Variants in GPC6 observed in about 807,000 individuals in gnomAD.
The protein encoded by GPC6 is glypican-6.
A neutral mutation model predicts 55.2 loss-of-function variants in GPC6; 14 were observed. That is an observed-to-expected ratio of 0.25 (90% CI 0.17 to 0.40). The LOEUF is 0.40. GPC6 is among the 10% of genes least tolerant of loss of function. The pLI is 1.00. For synonymous variants in GPC6, 278 were observed against 259.6 expected (o/e 1.07, Z -0.68); for missense variants, 641 against 708.5 (o/e 0.90, Z 1.08).
At chr13:93,228,827 C>T (rs1323739675) in intron 1 of GPC6, among the ~76,000 whole-genome samples, 1 of 152,126 alleles carries the variant, frequency 6.6e-6, no homozygotes, top group African/African-American at 2.4e-5. Flanking sequence ...AAGCATTTTG[C>T]AGATATCTTA....
At chr13:93,845,950 A>G (rs1888159382) in intron 3 of GPC6, among the ~76,000 whole-genome samples, 1 of 151,608 alleles carries the variant, frequency 6.6e-6, no homozygotes, top group Non-Finnish European at 1.5e-5. Flanking sequence ...AACCTGCACA[A>G]TGTGCACATG....
At chr13:93,852,827 A>T (rs1888451914) in intron 3 of GPC6, among the ~76,000 whole-genome samples, 1 of 151,578 alleles carries the variant, frequency 6.6e-6, no homozygotes, top group Admixed American at 6.6e-5. Flanking sequence ...ATCTAGAGGG[A>T]TATTTCACCC....
intron 4 of GPC6, among the ~76,000 whole-genome samples, chr13:94,148,106 G>C (rs961104803): frequency 1.3e-5 from 2 of 152,176 alleles, no homozygotes; most frequent in African/African-American, 2.4e-5. Context: ...GAGGAGATTA[G>C]TGGTCCTTAC....
At position 94,303,262 on chromosome 13, in the gene GPC6, T is replaced by G. The variant is rs564251509; in HGVS notation, c.1009-2718T>G. Among the ~76,000 whole-genome samples the G allele has an allele frequency of 1.3e-4, 20 of 152,302 alleles. No homozygotes were observed. In the South Asian group the frequency reaches 2.5e-3, roughly 19 times the overall value. On this transcript the variant is annotated intron_variant, in intron 5 of 8. Transcript: ENST00000377047. ...GGGTTTATATCCCGATCATTGTCCC[T>G]CCCCCTGTGCTCTTAGGCGATAGAT...
chr13:93,238,171 A>G (rs888503815), intron 1 of GPC6, among the ~76,000 whole-genome samples: 2 of 152,198 alleles, frequency 1.3e-5, no homozygotes, highest in African/African-American at 4.8e-5. Flanking sequence ...GGTCATTTTC[A>G]CAGTATTGAT....
intron 2 of GPC6, among the ~76,000 whole-genome samples, chr13:93,653,104 G>T (rs1029440660): frequency 7.9e-5 from 12 of 152,154 alleles, no homozygotes; most frequent in African/African-American, 2.9e-4. Context: ...TTTAGAGAGA[G>T]AACCAGACAC....
rs74772501 is a variant in GPC6, at chr13:93,357,574, G to A, written c.160+129958G>A. Among the ~76,000 whole-genome samples the A allele has an allele frequency of 7.9e-3, 1,199 of 152,228 alleles. 16 individuals are homozygous for A. Among genetic ancestry groups the A allele is most frequent in the African/African-American group, 0.028 (1,152 of 41,532 alleles). On this transcript the variant is annotated intron_variant, in intron 1 of 8. Transcript: ENST00000377047. ...AAAATGTAAATAATTGGCCGGGTAT[G>A]GTGGCTCAAGCCTGTAATGTTTTGG... is the stretch of plus-strand genomic sequence containing the variant.
At chr13:94,091,870 A>G (rs8001737) in intron 4 of GPC6, among the ~76,000 whole-genome samples, 2,543 of 149,326 alleles carry the variant, frequency 0.017, 70 homozygotes, top group African/African-American at 0.059. Flanking sequence ...GTGAAGAAAA[A>G]CTCACAGAAC....
chr13:94,319,946 CT>C (rs1389194289), intron 6 of GPC6, among the ~76,000 whole-genome samples: 1 of 152,146 alleles, frequency 6.6e-6, no homozygotes, highest in Non-Finnish European at 1.5e-5. Context: ...GCCATTATGT[CT>C]TCAAATATTG....
In GPC6 at chr13:93,308,233, C is replaced by T. The variant is rs147482102; in HGVS notation, c.160+80617C>T. On this transcript the variant is annotated intron_variant, in intron 1 of 8. Transcript: ENST00000377047. ...CCGGGAGGCAGAGCTTGCAGTGAGC[C>T]GAGATTGCGCTACTGCACTCCAGCC... Among the ~76,000 whole-genome samples the T allele has an allele frequency of 9.9e-3, 1,513 of 152,098 alleles. 19 individuals carry two copies. The highest frequency in any genetic ancestry group is 0.034 in the African/African-American group (1,395 of 41,492).
chr13:94,137,772 A>G (rs191614185), intron 4 of GPC6, among the ~76,000 whole-genome samples: 5 of 152,286 alleles, frequency 3.3e-5, no homozygotes, highest in Admixed American at 1.3e-4. Context: ...AAAATGACCT[A>G]TTATTCAGGT....
intron 1 of GPC6, among the ~76,000 whole-genome samples, chr13:93,531,281 GATATATA>G (rs1881855366): frequency 6.6e-6 from 1 of 150,732 alleles, no homozygotes; most frequent in African/African-American, 2.4e-5. Flanking sequence ...ATATTATAAT[GATATATA>G]ATATATATGA....
intron 3 of GPC6, among the ~76,000 whole-genome samples, chr13:94,009,616 T>C (rs1164355302): frequency 6.6e-6 from 1 of 152,112 alleles, no homozygotes; most frequent in Non-Finnish European, 1.5e-5. Flanking sequence ...ATGTGGAAAT[T>C]ACCTCTGTAC....
At chr13:94,322,103 C>T (rs148554666) in intron 6 of GPC6, among the ~76,000 whole-genome samples, 8 of 152,076 alleles carry the variant, frequency 5.3e-5, no homozygotes, top group Admixed American at 6.6e-5. Context: ...GGGAGGGACC[C>T]GGTGAGAGAT....
intron 3 of GPC6, among the ~76,000 whole-genome samples, chr13:93,898,391 A>G (rs190808013): frequency 3.3e-5 from 5 of 152,268 alleles, no homozygotes; most frequent in Admixed American, 2.6e-4. Flanking sequence ...GGAAAATGCC[A>G]TGCCATAGGG....
At chr13:93,617,094 A>G (rs1346766236) in intron 2 of GPC6, among the ~76,000 whole-genome samples, 1 of 152,116 alleles carries the variant, frequency 6.6e-6, no homozygotes, top group Non-Finnish European at 1.5e-5. Context: ...CCACACCAGA[A>G]GAGCACAGAG....
At chr13:93,231,385 A>G (rs1402953141) in intron 1 of GPC6, among the ~76,000 whole-genome samples, 6 of 21,868 alleles carry the variant, frequency 2.7e-4, no homozygotes, top group African/African-American at 1.1e-3. Context: ...ATATACATAT[A>G]TATATATATA....
At chr13:93,948,128 A>G (rs990020536) in intron 3 of GPC6, among the ~76,000 whole-genome samples, 28 of 152,228 alleles carry the variant, frequency 1.8e-4, no homozygotes, top group African/African-American at 5.1e-4. Context: ...TGTCCAGTCC[A>G]GAATTAACTT....
At position 94,205,502 on chromosome 13, in the gene GPC6, G is replaced by T. The variant is rs1359803405; in HGVS notation, c.878-80847G>T. On this transcript the variant is annotated intron_variant, in intron 4 of 8. Coordinates refer to ENST00000377047, the MANE Select transcript of GPC6 (RefSeq NM_005708.5). ...GGAAGCTTTCCTCTACCAGGTTAGA[G>T]CAGGTGAAGGATCCTAGAAAAATTT... Among the ~76,000 whole-genome samples the T allele has an allele frequency of 3.3e-5, 5 of 152,182 alleles. No homozygotes were observed. The East Asian group carries it at 9.6e-4, about 29-fold the overall frequency.
Sources: allele counts gnomAD v4.1 joint callset (sites outside exome capture counted in the v4.1 genomes callset), GRCh38; gene constraint gnomAD v4.1.1; transcripts MANE v1.5; gene names NCBI Gene and HGNC (gene_info 2026-07-23, HGNC 2026-07-21).